IPO5: variants seen among roughly 807,000 people sequenced by gnomAD.
The protein encoded by IPO5 is importin 5.
IPO5 carries 18 observed loss-of-function variants against 143.3 expected under a neutral mutation model. The observed-to-expected ratio is 0.13, with a 90% CI of 0.09 to 0.19. The LOEUF (loss-of-function observed/expected upper bound fraction) is 0.19. IPO5 is among the 10% of genes least tolerant of loss of function. The pLI is 1.00. For missense variants in IPO5, 1,013 were observed against 1,336.9 expected, an observed-to-expected ratio of 0.76 and a Z score of 3.78; for synonymous variants, 477 against 465.7, an observed-to-expected ratio of 1.02 and a Z score of -0.31.
chr13:97,972,257 CA>C (rs768797839), intron 3 of IPO5, among the ~76,000 whole-genome samples: 16 of 152,124 alleles, frequency 1.1e-4, no homozygotes, highest in Non-Finnish European at 2.2e-4. Context: ...CAGACAAAAC[CA>C]AATTCTATCC....
chr13:97,990,790 T>C (rs1395923621), intron 9 of IPO5, among the ~76,000 whole-genome samples: 2 of 152,214 alleles, frequency 1.3e-5, no homozygotes, highest in Non-Finnish European at 2.9e-5. Context: ...TATATGCTTA[T>C]TGTTGAATTT....
chr13:97,979,261 G>A (rs963226287), intron 4 of IPO5, among the ~76,000 whole-genome samples: 2 of 152,058 alleles, frequency 1.3e-5, no homozygotes, highest in Admixed American at 1.3e-4. Context: ...ATACTTAGTC[G>A]ACACATAAAT....
intron 4 of IPO5, chr13:97,979,923 T>C (rs1886699865): frequency 2.2e-6 from 1 of 456,730 alleles, no homozygotes; most frequent in South Asian, 1.5e-5. Flanking sequence ...GTGTCCCCTC[T>C]TTTACTTTTC....
chr13:97,956,025 T>G (rs1410642263), intron 2 of IPO5, among the ~76,000 whole-genome samples: 2 of 151,042 alleles, frequency 1.3e-5, no homozygotes, highest in African/African-American at 2.4e-5. Context: ...CCAGCTACTC[T>G]GGAGGCTGAG....
intron 3 of IPO5, among the ~76,000 whole-genome samples, chr13:97,972,457 G>A (rs1020679203): frequency 1.3e-5 from 2 of 152,222 alleles, no homozygotes; most frequent in African/African-American, 4.8e-5. Context: ...AGGCTGTGCA[G>A]TACTTCCTAA....
intron 4 of IPO5, among the ~76,000 whole-genome samples, chr13:97,977,729 G>C (rs749863265): frequency 1.3e-5 from 2 of 152,120 alleles, no homozygotes; most frequent in Non-Finnish European, 2.9e-5. Flanking sequence ...TCAGCGTTGA[G>C]ACCACGATTC....
At chr13:97,990,038 A>G in intron 7 of IPO5, 88 bp from the exon 8 acceptor site, 1 of 789,390 alleles carries the variant, frequency 1.3e-6, no homozygotes. Flanking sequence ...AGTCAGGTAA[A>G]CAAACAGTTC....
chr13:97,994,112 G>T (rs2139713012), intron 11 of IPO5, among the ~76,000 whole-genome samples: 1 of 152,296 alleles, frequency 6.6e-6, no homozygotes, highest in South Asian at 2.1e-4. Flanking sequence ...TTCAAGACCA[G>T]CCTGGCTAAC....
At chr13:98,001,122 C>T (rs1340728794) in intron 13 of IPO5, among the ~76,000 whole-genome samples, 3 of 152,150 alleles carry the variant, frequency 2.0e-5, no homozygotes, top group Non-Finnish European at 4.4e-5. Context: ...AGTCCTCCTG[C>T]TTCAGCCTCC....
At chr13:97,985,300 T>A in intron 5 of IPO5, 121 bp from the exon 6 acceptor site, 1 of 729,146 alleles carries the variant, frequency 1.4e-6, no homozygotes, top group South Asian at 1.9e-5. Context: ...CTAATGTAAT[T>A]AGAAAGAGTT....
At chr13:97,998,801 A>G (rs1362455430) in intron 12 of IPO5, among the ~76,000 whole-genome samples, 1 of 152,152 alleles carries the variant, frequency 6.6e-6, no homozygotes, top group South Asian at 2.1e-4. Flanking sequence ...GTTAATTACC[A>G]TTGTTTTCAT....
chr13:98,006,064 G>T, intron 16 of IPO5, 66 bp from the exon 17 acceptor site: 2 of 1,068,448 alleles, frequency 1.9e-6, no homozygotes. Context: ...GAAGGGAGTA[G>T]TAATTGTAAA....
intron 2 of IPO5, among the ~76,000 whole-genome samples, chr13:97,968,095 T>A (rs567084652): frequency 6.6e-6 from 1 of 152,194 alleles, no homozygotes; most frequent in Non-Finnish European, 1.5e-5. Context: ...AGCACTGTGA[T>A]TAGAGACATG....
intron 13 of IPO5, chr13:98,001,881 T>C (rs9556855): frequency 0.049 from 7,527 of 152,358 alleles, 457 homozygotes; most frequent in East Asian, 0.33. Context: ...CCCAAAGTGC[T>C]GGGATTACAG....
At chr13:97,990,028 A>G (rs1887683782) in intron 7 of IPO5, 98 bp from the exon 8 acceptor site, 2 of 729,684 alleles carry the variant, frequency 2.7e-6, no homozygotes, top group Non-Finnish European at 4.8e-6. Flanking sequence ...ATGCGTACTG[A>G]GTCAGGTAAA....
intron 4 of IPO5, among the ~76,000 whole-genome samples, chr13:97,980,192 A>G (rs750464750): frequency 1.3e-5 from 2 of 152,220 alleles, no homozygotes; most frequent in Non-Finnish European, 2.9e-5. Context: ...CTTAGATACA[A>G]AGATAAAAAG....
intron 3 of IPO5, among the ~76,000 whole-genome samples, chr13:97,975,230 G>C (rs891053459): frequency 1.5e-5 from 2 of 135,612 alleles, no homozygotes; most frequent in Non-Finnish European, 3.2e-5. Flanking sequence ...TAGCACTTTG[G>C]GAGGCCGAGG....
intron 4 of IPO5, among the ~76,000 whole-genome samples, chr13:97,980,393 T>C (rs1358005579): frequency 6.6e-6 from 1 of 152,084 alleles, no homozygotes; most frequent in African/African-American, 2.4e-5. Context: ...CATTATGGAG[T>C]AGAGTTTAAT....
intron 11 of IPO5, 64 bp from the exon 12 acceptor site, chr13:97,997,467 A>G (rs1888393259): frequency 3.6e-6 from 3 of 835,562 alleles, no homozygotes; most frequent in Non-Finnish European, 5.6e-6. Flanking sequence ...ATTCTTGTTT[A>G]TAAATAGTGA....
Sources: allele counts gnomAD v4.1 joint callset (sites outside exome capture counted in the v4.1 genomes callset), GRCh38; gene constraint gnomAD v4.1.1; transcripts MANE v1.5; gene names NCBI Gene and HGNC (gene_info 2026-07-23, HGNC 2026-07-21).